Variants in HAPLN1 observed in about 807,000 individuals in gnomAD.
HAPLN1 encodes hyaluronan and proteoglycan link protein 1.
Under a neutral mutation model 36.5 loss-of-function variants are expected in HAPLN1, and 13 were observed. The ratio of observed to expected loss-of-function variants is 0.36; its 90% CI spans 0.23 to 0.57. HAPLN1 has a LOEUF of 0.57. HAPLN1 is among the 20% of genes least tolerant of loss of function. HAPLN1 has a pLI of 0.83. For synonymous variants in HAPLN1, 202 were observed against 169.8 expected (o/e 1.19, Z -1.48); for missense variants, 407 against 439.7 (o/e 0.93, Z 0.66).
intron 1 of HAPLN1, among the ~76,000 whole-genome samples, chr5:83,679,882 AGTT>A (rs1354285038): frequency 1.3e-5 from 2 of 152,150 alleles, no homozygotes; most frequent in Non-Finnish European, 2.9e-5. Flanking sequence ...GCTCCATGTT[AGTT>A]GTTATTATTA....
chr5:83,699,404 G>C (rs982261314), intron 1 of HAPLN1, among the ~76,000 whole-genome samples: 32 of 152,198 alleles, frequency 2.1e-4, no homozygotes, highest in Non-Finnish European at 8.8e-5. Flanking sequence ...CACGGCCTAG[G>C]ATGCTACTGT....
chr5:83,659,658 TACACAAG>T (rs1750326886), intron 2 of HAPLN1, among the ~76,000 whole-genome samples: 1 of 152,148 alleles, frequency 6.6e-6, no homozygotes, highest in African/African-American at 2.4e-5. Context: ...AGAGTCTCTC[TACACAAG>T]AAGCTGGTAG....
chr5:83,644,686 G>A (rs755497156), intron 3 of HAPLN1, 21 bp from the exon 4 acceptor site: 2 of 1,392,546 alleles, frequency 1.4e-6, no homozygotes, highest in East Asian at 5.4e-5. Flanking sequence ...GAGAAAGCAA[G>A]GAGTTGTTAG....
intron 2 of HAPLN1, among the ~76,000 whole-genome samples, chr5:83,668,667 AT>A (rs1447362146): frequency 1.3e-4 from 20 of 152,364 alleles, no homozygotes; most frequent in African/African-American, 4.3e-4. Flanking sequence ...ATTTAGAAGT[AT>A]CTCATTACCT....
intron 2 of HAPLN1, among the ~76,000 whole-genome samples, chr5:83,672,751 A>C (rs1750761937): frequency 6.6e-6 from 1 of 152,202 alleles, no homozygotes. Flanking sequence ...ATTATTCAGC[A>C]TCCAAGGGCA....
At chr5:83,656,919 T>G (rs184496890) in intron 2 of HAPLN1, among the ~76,000 whole-genome samples, 1 of 152,254 alleles carries the variant, frequency 6.6e-6, no homozygotes, top group East Asian at 1.9e-4. Context: ...TTTTAAACAA[T>G]AGGACAAGCA....
intron 1 of HAPLN1, among the ~76,000 whole-genome samples, chr5:83,678,220 G>GGTGTGTGTGTGTGTGTGT (rs56962854): frequency 4.6e-4 from 65 of 142,640 alleles, no homozygotes; most frequent in Admixed American, 1.0e-3. Context: ...CTATAGTTTG[G>GGTGTGTGTGTGTGTGTGT]GTGTGTGTGT....
chr5:83,662,610 C>A (rs1750437088), intron 2 of HAPLN1, among the ~76,000 whole-genome samples: 1 of 152,132 alleles, frequency 6.6e-6, no homozygotes, highest in Non-Finnish European at 1.5e-5. Flanking sequence ...TAAACATACT[C>A]TCTAGGAGTT....
intron 3 of HAPLN1, among the ~76,000 whole-genome samples, chr5:83,646,207 T>A (rs1209657154): frequency 6.6e-6 from 1 of 152,236 alleles, no homozygotes; most frequent in African/African-American, 2.4e-5. Context: ...AAAGTATTTC[T>A]CCCATGGTTA....
chr5:83,639,827 TGAAA>T lies in HAPLN1; in HGVS notation c.*1665_*1668del, dbSNP rs1439284757. ...TGAAAATTTTCAGATATGTTTTTGA[TGAAA>T]GAAAGGACCTACTTTTATTACAATA... is the stretch of plus-strand genomic sequence containing the variant. On this transcript the variant is annotated 3_prime_UTR_variant, in exon 5 of 5. Coordinates refer to ENST00000274341, the MANE Select transcript of HAPLN1 (RefSeq NM_001884.4). 4 of 152,140 alleles carry T rather than the reference TGAAA, an allele frequency of 2.6e-5. No homozygotes were observed. Among genetic ancestry groups the T allele is most frequent in the Non-Finnish European group, 5.9e-5 (4 of 67,958 alleles). The allele number at this position is 152,140 out of a possible 1,614,324, so 9.4% of individuals were successfully genotyped here.
intron 2 of HAPLN1, among the ~76,000 whole-genome samples, chr5:83,662,457 G>A (rs1014333238): frequency 6.6e-5 from 10 of 152,042 alleles, no homozygotes; most frequent in Non-Finnish European, 2.9e-5. Flanking sequence ...AAGATTTATG[G>A]ATAAATAACT....
intron 1 of HAPLN1, among the ~76,000 whole-genome samples, chr5:83,699,400 C>G (rs1183314267): frequency 1.3e-5 from 2 of 152,134 alleles, no homozygotes; most frequent in African/African-American, 4.8e-5. Flanking sequence ...TCACCACGGC[C>G]TAGGATGCTA....
At chr5:83,704,376 C>T (rs2112632337) in intron 1 of HAPLN1, among the ~76,000 whole-genome samples, 1 of 152,186 alleles carries the variant, frequency 6.6e-6, no homozygotes, top group African/African-American at 2.4e-5. Flanking sequence ...CAGCTAACAA[C>T]ATGACAGGAT....
intron 1 of HAPLN1, among the ~76,000 whole-genome samples, chr5:83,717,263 T>C (rs56081500): frequency 0.044 from 6,640 of 152,262 alleles, 370 homozygotes; most frequent in East Asian, 0.3. Flanking sequence ...TAATTGATGA[T>C]GCTAATTCCA....
rs1750262638 is a variant in HAPLN1 at position 83,657,780 on chromosome 5, T to G, written c.101-4956A>C. The stretch of plus-strand genomic sequence containing the variant: ...TATGGATGAACTAGACTCGAGACTT[T>G]TGGATTTCCTAGATCAATAATAATT... On this transcript the variant is annotated intron_variant, in intron 2 of 4. Transcript: ENST00000274341. Among the ~76,000 whole-genome samples the G allele has an allele frequency of 2.0e-5, 3 of 151,920 alleles. No individual in the cohort carries two copies. The South Asian group carries it at 6.2e-4, about 32-fold the overall frequency.
chr5:83,640,326 T>C lies in HAPLN1; in HGVS notation c.*1170A>G, dbSNP rs765397862. The C allele has an allele frequency of 6.6e-6, 1 of 152,192 alleles. No homozygotes were observed. Among genetic ancestry groups the C allele is most frequent in the African/African-American group, 2.4e-5 (1 of 41,446 alleles). The allele number at this position is 152,192 out of a possible 1,614,324, so 9.4% of individuals were successfully genotyped here. On this transcript the variant is annotated 3_prime_UTR_variant, in exon 5 of 5. Coordinates refer to ENST00000274341, the MANE Select transcript of HAPLN1 (RefSeq NM_001884.4). The stretch of plus-strand genomic sequence containing the variant: ...CTTTGATGACAGCTTCAGCATTTAA[T>C]TTAAGCCTAATGATGACCAGCAAGG...
At chr5:83,705,467 A>G (rs1044297768) in intron 1 of HAPLN1, among the ~76,000 whole-genome samples, 4 of 152,048 alleles carry the variant, frequency 2.6e-5, no homozygotes, top group Non-Finnish European at 5.9e-5. Flanking sequence ...CAACGTGCTC[A>G]TGAATGACTT....
intron 3 of HAPLN1, among the ~76,000 whole-genome samples, chr5:83,649,364 T>C (rs940064799): frequency 2.0e-5 from 3 of 152,228 alleles, no homozygotes; most frequent in Admixed American, 6.5e-5. Flanking sequence ...TTATCTATGA[T>C]GCCCTCTCTC....
intron 1 of HAPLN1, among the ~76,000 whole-genome samples, chr5:83,698,979 A>T (rs1046658678): frequency 6.6e-6 from 1 of 152,236 alleles, no homozygotes; most frequent in Non-Finnish European, 1.5e-5. Flanking sequence ...TAATATTTTT[A>T]GCAGAGAATA....
Sources: allele counts gnomAD v4.1 joint callset (sites outside exome capture counted in the v4.1 genomes callset), GRCh38; gene constraint gnomAD v4.1.1; transcripts MANE v1.5; gene names NCBI Gene and HGNC (gene_info 2026-07-23, HGNC 2026-07-21).